The following VLDLR variants were observed in gnomAD, a reference collection of about 807,000 sequenced individuals.
VLDLR encodes the protein very low-density lipoprotein receptor.
A neutral mutation model predicts 112.7 loss-of-function variants in VLDLR; 81 were observed. That is an observed-to-expected ratio of 0.72 (90% CI 0.60 to 0.86). The LOEUF (loss-of-function observed/expected upper bound fraction) is 0.86, where lower values mean the gene tolerates loss of function less well. Among genes scored for constraint, VLDLR ranks in the 40% least tolerant of loss-of-function variants. The pLI is 0.00. For missense variants in VLDLR, 1,237 were observed against 1,099.4 expected, an observed-to-expected ratio of 1.13 and a Z score of -1.77; for synonymous variants, 436 against 384.8, an observed-to-expected ratio of 1.13 and a Z score of -1.56.
chr9:2,622,610 G>C (rs1816866890), intron 1 of VLDLR, among the ~76,000 whole-genome samples: 1 of 152,250 alleles, frequency 6.6e-6, no homozygotes, highest in Admixed American at 6.5e-5. Context: ...TTGAACAATG[G>C]TTCTGCCTCC....
In VLDLR at chr9:2,656,292, T is replaced by C. The variant is rs1479708988; in HGVS notation, c.*2424T>C. 2 of 151,972 alleles carry C rather than the reference T, an allele frequency of 1.3e-5. No individual in the cohort carries two copies. The highest frequency in any genetic ancestry group is 2.9e-5 in the Non-Finnish European group (2 of 67,982). 9.4% of individuals were successfully genotyped at this position (151,972 alleles called of 1,614,324 possible). Reference sequence around the variant, plus strand: ...AAGTAACTAGATATTCCTATTGAAATAAGAATAGATATATTGGTGGGCCAG... The same window carrying C: ...AAGTAACTAGATATTCCTATTGAAACAAGAATAGATATATTGGTGGGCCAG... On this transcript the variant is annotated 3_prime_UTR_variant, in exon 19 of 19. Coordinates refer to ENST00000382100, the MANE Select transcript of VLDLR (RefSeq NM_003383.5).
intron 17 of VLDLR, among the ~76,000 whole-genome samples, chr9:2,652,176 A>G (rs1318729564): frequency 2.0e-5 from 3 of 152,216 alleles, no homozygotes; most frequent in African/African-American, 7.2e-5. Flanking sequence ...ATAAGTGTTC[A>G]ACGGTTAATG....
chr9:2,631,621 A>C (rs1203426427), intron 1 of VLDLR, among the ~76,000 whole-genome samples: 1 of 152,124 alleles, frequency 6.6e-6, no homozygotes, highest in Non-Finnish European at 1.5e-5. Context: ...ATTTCATTCC[A>C]TGGAGGTAGA....
At position 2,647,566 on chromosome 9, in the gene VLDLR, T is replaced by C; in HGVS notation, c.1796T>C (p.Ile599Thr). The change falls in exon 12 of 19, where the codon ATC becomes ACC. Residue 599 changes from isoleucine (I) to threonine (T), a missense_variant. Physicochemically the swap from Ile to Thr is moderately conservative, Grantham distance 89. Coordinates refer to ENST00000382100, the MANE Select transcript of VLDLR (RefSeq NM_003383.5). Reference sequence around the variant, plus strand: ...AGACGTCCACTGGTGACAGCGGATATCCAGTGGCCTAACGGAATTACACTT... The same window carrying C: ...AGACGTCCACTGGTGACAGCGGATACCCAGTGGCCTAACGGAATTACACTT... ...FDRRPLVTAD[I>T]QWPNGITLDL... 6.2e-7 allele frequency: 1 copy of C among 1,614,098 alleles called. No homozygotes were observed. Among genetic ancestry groups the C allele is most frequent in the Non-Finnish European group, 8.5e-7 (1 of 1,179,930 alleles).
Position 2,652,706 on chromosome 9 carries a change from C to T in VLDLR, c.2417-74C>T, listed in dbSNP as rs1818407741. The T allele has an allele frequency of 9.4e-6, 15 of 1,589,108 alleles. No homozygotes were observed. In the South Asian group the frequency reaches 1.4e-4, roughly 15 times the overall value. ...TACTAATGTCAATTATTATGGATTC[C>T]TGAACGTTATTACCTTTCTTGTATG... On this transcript the variant is annotated intron_variant, in intron 17 of 18. Transcript: ENST00000382100.
intron 3 of VLDLR, 28 bp from the exon 4 acceptor site, chr9:2,641,349 C>T (rs369124327): frequency 5.0e-6 from 8 of 1,613,812 alleles, no homozygotes; most frequent in Non-Finnish European, 6.8e-6. Flanking sequence ...AGTTCTGAGG[C>T]TCTTTTGAGA....
chr9:2,647,281 TTAA>T, intron 11 of VLDLR, among the ~76,000 whole-genome samples, 190 bp from the exon 12 acceptor site: 1 of 152,256 alleles, frequency 6.6e-6, no homozygotes, highest in Non-Finnish European at 1.5e-5. Context: ...ATTATTATAG[TTAA>T]TAATGAGCTT....
chr9:2,646,199 T>G, intron 10 of VLDLR, 135 bp from the exon 11 acceptor site: 1 of 797,364 alleles, frequency 1.3e-6, no homozygotes, highest in South Asian at 1.5e-5. Flanking sequence ...GGTTAAATAA[T>G]TTGAGTGGTG....
rs889548405 is a variant in VLDLR at position 2,658,717 on chromosome 9, G to A, written c.*4849G>A. 6 of 152,160 alleles carry A rather than the reference G, an allele frequency of 3.9e-5. No individual in the cohort carries two copies. The highest frequency in any genetic ancestry group is 7.2e-5 in the African/African-American group (3 of 41,420). 9.4% of individuals were successfully genotyped at this position (152,160 alleles called of 1,614,324 possible). ...CAGCACAGTGTCTGGCATCTAATAT[G>A]TGCAGGGCAGATGTCACTACTGAAT... On this transcript the variant is annotated 3_prime_UTR_variant, in exon 19 of 19. Transcript: ENST00000382100.
At chr9:2,640,255 T>A (rs1218688637) in intron 3 of VLDLR, among the ~76,000 whole-genome samples, 1 of 152,218 alleles carries the variant, frequency 6.6e-6, no homozygotes, top group Non-Finnish European at 1.5e-5. Context: ...ACTCCTTGAC[T>A]AGGTGCATAG....
chr9:2,644,913 G>T, intron 8 of VLDLR, 44 bp from the exon 9 acceptor site: 1 of 1,614,180 alleles, frequency 6.2e-7, no homozygotes, highest in Non-Finnish European at 8.5e-7. Context: ...TATGTACCTA[G>T]TAAGGTATAG....
chr9:2,623,973 T>C (rs2130754259), intron 1 of VLDLR, among the ~76,000 whole-genome samples: 1 of 152,298 alleles, frequency 6.6e-6, no homozygotes. Flanking sequence ...TTTTGTAACA[T>C]TTCAAAACGC....
intron 11 of VLDLR, 43 bp downstream of exon 11, chr9:2,646,595 G>A (rs1426751558): frequency 6.3e-6 from 10 of 1,582,034 alleles, no homozygotes; most frequent in Non-Finnish European, 8.7e-6. Context: ...AATGGTATCT[G>A]TGTAGGTCAG....
chr9:2,629,330 G>A (rs913977730), intron 1 of VLDLR, among the ~76,000 whole-genome samples: 1 of 152,218 alleles, frequency 6.6e-6, no homozygotes, highest in African/African-American at 2.4e-5. Flanking sequence ...AATCCTTTTA[G>A]AAGACTTGCT....
At chr9:2,645,871 A>T in intron 10 of VLDLR, 126 bp downstream of exon 10, 1 of 1,003,742 alleles carries the variant, frequency 1.0e-6, no homozygotes, top group Non-Finnish European at 1.5e-6. Flanking sequence ...ACCTGGGGAC[A>T]TTAAATCTAA....
At position 2,643,900 on chromosome 9, in the gene VLDLR, A is replaced by G. The variant is rs1436839537; in HGVS notation, c.1007A>G (p.Lys336Arg). The change falls in exon 7 of 19, where the codon AAA (lysine) becomes AGA (arginine). Residue 336 changes from lysine to arginine, a missense_variant. Coordinates refer to ENST00000382100, the MANE Select transcript of VLDLR (RefSeq NM_003383.5). ...CRSGECIDIS[K>R]VCNQEQDCRD... Reference sequence around the variant, plus strand: ...AGTGGAGAATGCATAGATATCAGCAAAGTATGTAACCAGGAGCAGGACTGC... The same window carrying G: ...AGTGGAGAATGCATAGATATCAGCAGAGTATGTAACCAGGAGCAGGACTGC... The G allele has an allele frequency of 6.2e-7, 1 of 1,614,112 alleles. No homozygotes were observed. The highest frequency in any genetic ancestry group is 8.5e-7 in the Non-Finnish European group (1 of 1,180,018).
At chr9:2,636,174 C>T (rs529362980) in intron 2 of VLDLR, among the ~76,000 whole-genome samples, 5 of 152,286 alleles carry the variant, frequency 3.3e-5, no homozygotes, top group African/African-American at 9.6e-5. Context: ...TGAGAAATGC[C>T]TATGTATGCA....
intron 1 of VLDLR, among the ~76,000 whole-genome samples, chr9:2,627,573 G>T (rs1350543073): frequency 6.6e-6 from 1 of 152,054 alleles, no homozygotes; most frequent in Non-Finnish European, 1.5e-5. Flanking sequence ...ATGATAAATT[G>T]CAACAAAGAG....
At chr9:2,632,049 T>A (rs1817371897) in intron 1 of VLDLR, among the ~76,000 whole-genome samples, 1 of 152,132 alleles carries the variant, frequency 6.6e-6, no homozygotes. Flanking sequence ...GCTCCAGGAA[T>A]TCATTCATTA....
Sources: allele counts gnomAD v4.1 joint callset (sites outside exome capture counted in the v4.1 genomes callset), GRCh38; gene constraint gnomAD v4.1.1; transcripts MANE v1.5; gene names NCBI Gene and HGNC (gene_info 2026-07-23, HGNC 2026-07-21).